The following OR51B5 variants were observed in gnomAD, a reference collection of about 807,000 sequenced individuals.
OR51B5 encodes olfactory receptor family 51 subfamily B member 5.
For synonymous variants in OR51B5, 186 were observed against 144.8 expected (o/e 1.28, Z -2.04); for missense variants, 456 against 374.6 (o/e 1.22, Z -1.79).
chr11:5,493,141 C>A (rs1463361803), intron 1 of OR51B5, among the ~76,000 whole-genome samples: 2 of 152,178 alleles, frequency 1.3e-5, no homozygotes, highest in African/African-American at 4.8e-5. Flanking sequence ...CACTAAATTG[C>A]TGTACACTGG....
chr11:5,476,092 T>C (rs1851301399), intron 1 of OR51B5, among the ~76,000 whole-genome samples: 2 of 152,210 alleles, frequency 1.3e-5, no homozygotes, highest in South Asian at 2.1e-4. Context: ...CCATGCGCAG[T>C]AGAGAAATCT....
At chr11:5,436,192 A>G (rs1036338918) in intron 1 of OR51B5, among the ~76,000 whole-genome samples, 2 of 152,200 alleles carry the variant, frequency 1.3e-5, no homozygotes, top group African/African-American at 4.8e-5. Context: ...AGGAGACTGC[A>G]GTAGAGACGG....
intron 1 of OR51B5, among the ~76,000 whole-genome samples, chr11:5,385,990 T>C (rs1403080176): frequency 6.6e-6 from 1 of 150,770 alleles, no homozygotes. Flanking sequence ...ATATAAAGAA[T>C]GTGTGTGTGT....
At chr11:5,368,651 A>T (rs1186376028) in intron 1 of OR51B5, among the ~76,000 whole-genome samples, 6 of 152,212 alleles carry the variant, frequency 3.9e-5, no homozygotes, top group Admixed American at 3.9e-4. Flanking sequence ...TCTCACATGC[A>T]TCCTGTGAGA....
intron 1 of OR51B5, chr11:5,351,533 C>T (rs376535620): frequency 7.4e-6 from 12 of 1,613,002 alleles, no homozygotes; most frequent in Non-Finnish European, 9.3e-6. Flanking sequence ...TCTGCTTCCA[C>T]CTTCCAGCTT....
At chr11:5,490,281 AATG>A (rs1412953724) in intron 1 of OR51B5, among the ~76,000 whole-genome samples, 2 of 152,244 alleles carry the variant, frequency 1.3e-5, no homozygotes, top group Non-Finnish European at 2.9e-5. Context: ...ATGAATATAA[AATG>A]AGGAAGTTAT....
chr11:5,400,452 C>CT (rs147727781), intron 1 of OR51B5, among the ~76,000 whole-genome samples: 30 of 149,830 alleles, frequency 2.0e-4, no homozygotes, highest in African/African-American at 4.2e-4. Flanking sequence ...AATTTCCCCT[C>CT]TTTTTTTTTT....
intron 1 of OR51B5, among the ~76,000 whole-genome samples, chr11:5,439,481 G>A (rs942216589): frequency 3.9e-5 from 6 of 152,168 alleles, no homozygotes; most frequent in Non-Finnish European, 5.9e-5. Context: ...GAAACTCCCC[G>A]TTTGTCTAAA....
At chr11:5,497,456 T>A (rs943616048) in intron 1 of OR51B5, among the ~76,000 whole-genome samples, 1 of 152,102 alleles carries the variant, frequency 6.6e-6, no homozygotes, top group African/African-American at 2.4e-5. Context: ...AAAGACAAAA[T>A]TGAGTCCACT....
intron 1 of OR51B5, among the ~76,000 whole-genome samples, chr11:5,367,473 C>T (rs994306963): frequency 6.6e-6 from 1 of 152,118 alleles, no homozygotes; most frequent in Non-Finnish European, 1.5e-5. Context: ...GACCGCTTAG[C>T]GTAACTTCCT....
At chr11:5,471,635 C>CAAAAA (rs34498667) in intron 1 of OR51B5, among the ~76,000 whole-genome samples, 45 of 124,274 alleles carry the variant, frequency 3.6e-4, no homozygotes, top group African/African-American at 1.2e-3. Context: ...GACTCTGTCT[C>CAAAAA]AAAAAAAAAA....
intron 1 of OR51B5, among the ~76,000 whole-genome samples, chr11:5,440,305 T>C (rs539679759): frequency 6.6e-6 from 1 of 152,340 alleles, no homozygotes; most frequent in Non-Finnish European, 1.5e-5. Context: ...CTCTTTTTTA[T>C]ATTTTCTCTT....
intron 1 of OR51B5, among the ~76,000 whole-genome samples, chr11:5,432,589 C>T (rs75488455): frequency 0.028 from 4,336 of 152,242 alleles, 173 homozygotes; most frequent in African/African-American, 0.093. Flanking sequence ...AATTACTGAA[C>T]ATGTGACATT....
In OR51B5 at chr11:5,375,007, G is replaced by C. The variant is rs548827159; in HGVS notation, n.85-28097C>G. Among the ~76,000 whole-genome samples, 5 of 151,654 alleles carry C rather than the reference G, an allele frequency of 3.3e-5. No homozygotes were observed. The South Asian group carries it at 8.4e-4, about 26-fold the overall frequency. On this transcript the variant is annotated intron_variant and non_coding_transcript_variant, in intron 1 of 4. Transcript: ENST00000415970. The stretch of plus-strand genomic sequence containing the variant: ...ACGCCACAAACATACTCCTCGAGAA[G>C]AGCAACTCCAAGACACATAATTGTC...
rs1307623650 is a variant in OR51B5 at position 5,468,965 on chromosome 11, C to T, written n.84+36604G>A. 1.4e-5 allele frequency: 5 copies of T among 347,860 alleles called. No homozygotes were observed. The East Asian group carries it at 2.3e-4, about 16-fold the overall frequency. 21.5% of individuals were successfully genotyped at this position (347,860 alleles called of 1,614,324 possible). A position where few individuals can be genotyped will look rare whatever the true frequency, so the allele number is the denominator to read the frequency against. ...AAGTGGGAATACCATGCAGAAGCTG[C>T]GGATGACAATGGATATGCCATTGTG... is the stretch of plus-strand genomic sequence containing the variant. On this transcript the variant is annotated intron_variant and non_coding_transcript_variant, in intron 1 of 4. Transcript: ENST00000415970.
At chr11:5,344,744 GAATTAAATGGT>G (rs1848963785), upstream of OR51B5, among the ~76,000 whole-genome samples, 1 of 152,212 alleles carries the variant, frequency 6.6e-6, no homozygotes, top group African/African-American at 2.4e-5. Context: ...AAGCTCTCTG[GAATTAAATGGT>G]AATAAGACAA....
intron 1 of OR51B5, among the ~76,000 whole-genome samples, chr11:5,451,289 T>C (rs1850842894): frequency 1.3e-5 from 2 of 152,254 alleles, no homozygotes; most frequent in South Asian, 4.1e-4. Context: ...GCTTTGGCCT[T>C]GCCCTGAACA....
intron 1 of OR51B5, among the ~76,000 whole-genome samples, chr11:5,371,538 C>T (rs979012369): frequency 3.9e-5 from 6 of 152,102 alleles, no homozygotes; most frequent in South Asian, 4.2e-4. Context: ...CAAAGGGTTA[C>T]ATAAGTTTTA....
intron 1 of OR51B5, among the ~76,000 whole-genome samples, chr11:5,429,780 A>G (rs1850508437): frequency 6.6e-6 from 1 of 152,220 alleles, no homozygotes; most frequent in Non-Finnish European, 1.5e-5. Context: ...ATAGCCAGGA[A>G]CAGTGATATC....
Sources: gnomAD v4.1 joint callset for allele counts (sites outside exome capture counted in the v4.1 genomes callset) on GRCh38, gnomAD v4.1.1 for gene constraint, MANE v1.5 for transcripts, NCBI Gene and HGNC (gene_info 2026-07-23, HGNC 2026-07-21) for gene names.